The following WNT2 variants were observed in gnomAD, a reference collection of about 807,000 sequenced individuals.
WNT2 encodes Wnt family member 2.
A neutral mutation model predicts 36.9 loss-of-function variants in WNT2; 12 were observed. The observed-to-expected ratio is 0.33, with a 90% CI of 0.21 to 0.53. WNT2 has a LOEUF of 0.53. Ranked by LOEUF, WNT2 falls within the 20% of genes least tolerant of loss-of-function variation. WNT2 has a pLI of 0.95. For synonymous variants in WNT2, 163 were observed against 174.6 expected (o/e 0.93, Z 0.52); for missense variants, 379 against 473.1 (o/e 0.80, Z 1.84).
rs1794404826 is a variant in WNT2 at position 117,277,717 on chromosome 7, C to T, written c.*438G>A. The T allele has an allele frequency of 5.8e-6, 1 of 173,790 alleles. No homozygotes were observed. Among genetic ancestry groups the T allele is most frequent in the Admixed American group, 5.4e-5 (1 of 18,528 alleles). The allele number at this position is 173,790 out of a possible 1,614,324, so 10.8% of individuals were successfully genotyped here. A position where few individuals can be genotyped will look rare whatever the true frequency, so the allele number is the denominator to read the frequency against. On this transcript the variant is annotated 3_prime_UTR_variant, in exon 5 of 5. Coordinates refer to ENST00000265441, the MANE Select transcript of WNT2 (RefSeq NM_003391.3). ...GGGGCAGTTGATTCTGCTTTCTTTA[C>T]TGTTCCCATCTGAGAGAAGTATGGA...
In WNT2 at chr7:117,319,529, G is replaced by C. The variant is rs369456832; in HGVS notation, c.310+1038C>G. On this transcript the variant is annotated intron_variant, in intron 2 of 4. Transcript: ENST00000265441. ...GATGATTTTCTTAGGAATTGGGGGG[G>C]GGGGTAGGCAAAAACAAGTAAAAAG... Among the ~76,000 whole-genome samples the C allele has an allele frequency of 7.1e-3, 1,053 of 147,896 alleles. 6 individuals are homozygous for C. The highest frequency in any genetic ancestry group is 0.011 in the Non-Finnish European group (725 of 66,948).
At chr7:117,306,760 G>A (rs1024327660) in intron 3 of WNT2, among the ~76,000 whole-genome samples, 64 of 152,102 alleles carry the variant, frequency 4.2e-4, no homozygotes, top group Admixed American at 3.3e-3. Flanking sequence ...GTTTTACTAC[G>A]TGGCATCCTG....
chr7:117,314,929 C>G, intron 3 of WNT2, 142 bp downstream of exon 3: 1 of 1,289,820 alleles, frequency 7.8e-7, no homozygotes, highest in Non-Finnish European at 1.1e-6. Context: ...TTCTTCCGAA[C>G]AAACAGCTAA....
chr7:117,314,341 G>C (rs1286442834), intron 3 of WNT2, among the ~76,000 whole-genome samples: 2 of 152,186 alleles, frequency 1.3e-5, no homozygotes, highest in African/African-American at 2.4e-5. Flanking sequence ...AAGCACCCCT[G>C]GACTACGTGT....
At position 117,322,560 on chromosome 7, in the gene WNT2, C is replaced by CAT. The variant is rs1219686302; in HGVS notation, c.83+346_83+347insAT. On this transcript the variant is annotated intron_variant, in intron 1 of 4. Coordinates refer to ENST00000265441, the MANE Select transcript of WNT2 (RefSeq NM_003391.3). The surrounding 1 kb of genome is among the most constrained non-coding windows in gnomAD (Gnocchi z 5.4). ...TTACACACACACACACACACACACACACACACACACACGTCTGTGCTAGAG... is the reference window on the plus strand; with the variant it reads ...TTACACACACACACACACACACACACATACACACACACACGTCTGTGCTAGAG... Among the ~76,000 whole-genome samples, 1 of 151,798 alleles carries CAT rather than the reference C, an allele frequency of 6.6e-6. No homozygotes were observed. The highest frequency in any genetic ancestry group is 1.5e-5 in the Non-Finnish European group (1 of 67,952).
chr7:117,290,579 GT>G (rs1187505989), intron 4 of WNT2, among the ~76,000 whole-genome samples: 1 of 152,204 alleles, frequency 6.6e-6, no homozygotes, highest in African/African-American at 2.4e-5. Context: ...ATTTCTATAA[GT>G]GTCAAAGCAG....
chr7:117,311,446 T>G (rs945528263), intron 3 of WNT2, among the ~76,000 whole-genome samples: 1 of 152,224 alleles, frequency 6.6e-6, no homozygotes, highest in African/African-American at 2.4e-5. Context: ...TTCATGATTC[T>G]ATGACCCTGC....
At chr7:117,282,168 G>A (rs1256109430) in intron 4 of WNT2, among the ~76,000 whole-genome samples, 1 of 152,202 alleles carries the variant, frequency 6.6e-6, no homozygotes, top group Non-Finnish European at 1.5e-5. Flanking sequence ...TTTCCTTGGG[G>A]AATAGAGAAA....
rs148867917 is a variant in WNT2 at position 117,278,281 on chromosome 7, G to A, written c.957C>T (p.Thr319=). The change falls in exon 5 of 5, where the codon ACC becomes ACT. Residue 319 remains threonine (T), a synonymous_variant. Transcript: ENST00000265441. ...CGRGYDTSHV[T]RMTKCGCKFH... Reference sequence around the variant, plus strand: ...ACTTACACCCACACTTGGTCATCCGGGTGACATGGGAGGTGTCGTAGCCTC... The same window carrying A: ...ACTTACACCCACACTTGGTCATCCGAGTGACATGGGAGGTGTCGTAGCCTC... 6.2e-7 allele frequency: 1 copy of A among 1,614,198 alleles called. No homozygotes were observed. Among genetic ancestry groups the A allele is most frequent in the Non-Finnish European group, 8.5e-7 (1 of 1,180,034 alleles).
chr7:117,307,951 CT>C (rs1456483429), intron 3 of WNT2, among the ~76,000 whole-genome samples: 3 of 152,196 alleles, frequency 2.0e-5, no homozygotes, highest in Non-Finnish European at 2.9e-5. Context: ...TAGTACTTCA[CT>C]TTTTAGTTGG....
intron 3 of WNT2, among the ~76,000 whole-genome samples, chr7:117,302,819 T>C (rs1266662735): frequency 1.3e-5 from 2 of 152,186 alleles, no homozygotes. Flanking sequence ...TGTGGTATGA[T>C]CCAGTTTTTA....
chr7:117,315,654 G>A (rs1269974345), intron 2 of WNT2, among the ~76,000 whole-genome samples: 1 of 152,170 alleles, frequency 6.6e-6, no homozygotes, highest in African/African-American at 2.4e-5. Flanking sequence ...ACACAGGCTT[G>A]CCCTGTTTCA....
intron 3 of WNT2, among the ~76,000 whole-genome samples, chr7:117,303,522 G>A (rs1011332967): frequency 6.6e-6 from 1 of 152,150 alleles, no homozygotes; most frequent in Non-Finnish European, 1.5e-5. Context: ...ACTCCCCCTG[G>A]GGTCTTCAGA....
intron 4 of WNT2, among the ~76,000 whole-genome samples, chr7:117,293,754 G>T (rs1435512659): frequency 6.6e-6 from 1 of 152,048 alleles, no homozygotes; most frequent in Admixed American, 6.5e-5. Flanking sequence ...GGGGTTGGGG[G>T]CCTCGGTGGT....
intron 3 of WNT2, among the ~76,000 whole-genome samples, chr7:117,306,645 C>G (rs1795019569): frequency 6.6e-6 from 1 of 152,134 alleles, no homozygotes; most frequent in Non-Finnish European, 1.5e-5. Flanking sequence ...CTCGTATGCT[C>G]CTGTTCTCAA....
At chr7:117,316,694 C>T (rs1795225678) in intron 2 of WNT2, among the ~76,000 whole-genome samples, 1 of 152,184 alleles carries the variant, frequency 6.6e-6, no homozygotes. Context: ...CTTACCTCAG[C>T]TTTCAGAAAA....
chr7:117,308,966 T>C, intron 3 of WNT2, among the ~76,000 whole-genome samples: 1 of 151,892 alleles, frequency 6.6e-6, no homozygotes. Flanking sequence ...GGAGGATCAC[T>C]TGGGCCCAGG....
intron 3 of WNT2, among the ~76,000 whole-genome samples, chr7:117,311,817 C>T (rs899974271): frequency 6.6e-6 from 1 of 152,096 alleles, no homozygotes; most frequent in Non-Finnish European, 1.5e-5. Context: ...CTTGTCTTCC[C>T]GTAGCACCAC....
In WNT2 at chr7:117,286,878, A is replaced by G. The variant is rs534872233; in HGVS notation, c.854-8494T>C. On this transcript the variant is annotated intron_variant, in intron 4 of 4. Coordinates refer to ENST00000265441, the MANE Select transcript of WNT2 (RefSeq NM_003391.3). ...GTCCCATTAAATTAGCAAATCTTGTAATGGAATTAAAGTTGTTCTGGTCAG... is the reference window on the plus strand; with the variant it reads ...GTCCCATTAAATTAGCAAATCTTGTGATGGAATTAAAGTTGTTCTGGTCAG... Among the ~76,000 whole-genome samples the G allele has an allele frequency of 2.6e-5, 4 of 152,326 alleles. No individual in the cohort carries two copies. In the East Asian group the frequency reaches 7.7e-4, roughly 29 times the overall value.
Sources: gnomAD v4.1 joint callset for allele counts (sites outside exome capture counted in the v4.1 genomes callset) on GRCh38, gnomAD v4.1.1 for gene constraint, Gnocchi (gnomAD v3.1) non-coding constraint, MANE v1.5 for transcripts, NCBI Gene and HGNC (gene_info 2026-07-23, HGNC 2026-07-21) for gene names.